The following SPOCK2 variants were observed in gnomAD, a reference collection of about 807,000 sequenced individuals.
SPOCK2 encodes testican-2.
SPOCK2 carries 39 observed loss-of-function variants against 60.1 expected under a neutral mutation model. The observed-to-expected ratio is 0.65, with a 90% CI of 0.50 to 0.85. SPOCK2 has a LOEUF of 0.85. SPOCK2 is among the 40% of genes least tolerant of loss of function. SPOCK2 has a pLI of 0.00. For synonymous variants in SPOCK2, 217 were observed against 231.5 expected (o/e 0.94, Z 0.57); for missense variants, 523 against 567.4 (o/e 0.92, Z 0.80).
chr10:72,070,547 C>A, intron 4 of SPOCK2, 121 bp from the exon 5 acceptor site: 1 of 849,920 alleles, frequency 1.2e-6, no homozygotes, highest in East Asian at 2.7e-5. Context: ...GCAGATCAGC[C>A]CCTTCCTGCC....
Position 72,087,366 on chromosome 10 carries a change from C to T in SPOCK2, c.189+774G>A, listed in dbSNP as rs1840874679. On this transcript the variant is annotated intron_variant, in intron 1 of 10. Coordinates refer to ENST00000373109, the MANE Select transcript of SPOCK2 (RefSeq NM_001244950.2). This position sits in a 1 kb window ranked among gnomAD's most constrained non-coding sequence, Gnocchi z 4.7. ...GCGGCGCCCGCCGGGGGCCCCCAAA[C>T]CCAGCTTCTGGACTCTCCCCGGCTT... Among the ~76,000 whole-genome samples the T allele has an allele frequency of 6.6e-6, 1 of 152,194 alleles. No homozygotes were observed. The highest frequency in any genetic ancestry group is 1.5e-5 in the Non-Finnish European group (1 of 68,018).
chr10:72,068,047 C>T (rs963018588), intron 6 of SPOCK2, 140 bp downstream of exon 6: 17 of 1,009,040 alleles, frequency 1.7e-5, no homozygotes, highest in Middle Eastern at 4.2e-4. Context: ...GGGCCTCTGA[C>T]CTCACAGCTC....
chr10:72,076,852 C>T (rs1352038620), intron 1 of SPOCK2, among the ~76,000 whole-genome samples: 1 of 152,226 alleles, frequency 6.6e-6, no homozygotes, highest in African/African-American at 2.4e-5. Flanking sequence ...CTCAGAGAGG[C>T]AGAGCAACTG....
chr10:72,067,489 C>T (rs16929601), intron 7 of SPOCK2, 124 bp downstream of exon 7: 49,853 of 1,497,692 alleles, frequency 0.033, 3,550 homozygotes, highest in East Asian at 0.24. Flanking sequence ...TCTTTTGGGG[C>T]CCAGATTGTA....
intron 1 of SPOCK2, among the ~76,000 whole-genome samples, chr10:72,082,686 T>A (rs1175737752): frequency 1.3e-5 from 2 of 151,406 alleles, no homozygotes; most frequent in Admixed American, 1.3e-4. Flanking sequence ...AAACCCCCTG[T>A]CTACAAAAAA....
chr10:72,081,983 G>A (rs2131822438), intron 1 of SPOCK2, among the ~76,000 whole-genome samples: 1 of 152,314 alleles, frequency 6.6e-6, no homozygotes, highest in Middle Eastern at 3.4e-3. Flanking sequence ...CCCATGCAAT[G>A]CTCTGGGGAT....
chr10:72,067,207 C>T, intron 7 of SPOCK2, 87 bp from the exon 8 acceptor site: 2 of 1,356,872 alleles, frequency 1.5e-6, no homozygotes, highest in Non-Finnish European at 2.0e-6. Flanking sequence ...CCATCAGCCC[C>T]AGCCCTCTAT....
rs1324746375 is a variant in SPOCK2, at chr10:72,075,307, G to A, written c.190-2397C>T. On this transcript the variant is annotated intron_variant, in intron 1 of 10. Transcript: ENST00000373109. Reference sequence around the variant, plus strand: ...CAGGGGTGGGGACAAGGCTGTGCAGGTGATGGGAAATGGCTGGGTTCTGGG... The same window carrying A: ...CAGGGGTGGGGACAAGGCTGTGCAGATGATGGGAAATGGCTGGGTTCTGGG... Among the ~76,000 whole-genome samples the A allele has an allele frequency of 3.9e-5, 6 of 152,156 alleles. No individual in the cohort carries two copies. The South Asian group carries it at 1.2e-3, about 32-fold the overall frequency.
intron 1 of SPOCK2, among the ~76,000 whole-genome samples, chr10:72,078,351 A>C (rs1191773945): frequency 6.6e-6 from 1 of 151,862 alleles, no homozygotes; most frequent in Non-Finnish European, 1.5e-5. Context: ...ATCTCTACTA[A>C]AAATACAAAA....
chr10:72,064,718 A>G (rs1247681942), intron 8 of SPOCK2, among the ~76,000 whole-genome samples: 1 of 151,960 alleles, frequency 6.6e-6, no homozygotes, highest in Non-Finnish European at 1.5e-5. Flanking sequence ...AGTTATGTTT[A>G]TTTTTTTATT....
rs1840508154 is a variant in SPOCK2 at position 72,062,729 on chromosome 10, GT to G, written c.*30del. The G allele has an allele frequency of 6.3e-7, 1 of 1,584,574 alleles. No individual in the cohort carries two copies. Among genetic ancestry groups the G allele is most frequent in the African/African-American group, 1.4e-5 (1 of 73,598 alleles). ...CTGCTGCTCAGAGCTCTGCTGTTGAGTCCCCCCCGGCAGCCGGCTCCTGAGG... is the reference window on the plus strand; with the variant it reads ...CTGCTGCTCAGAGCTCTGCTGTTGAGCCCCCCCGGCAGCCGGCTCCTGAGG... On this transcript the variant is annotated 3_prime_UTR_variant, in exon 11 of 11. Coordinates refer to ENST00000373109, the MANE Select transcript of SPOCK2 (RefSeq NM_001244950.2). The surrounding 1 kb of genome is among the most constrained non-coding windows in gnomAD (Gnocchi z 4.3).
Position 72,068,183 on chromosome 10 carries a change from T to G in SPOCK2, c.589+4A>C. 1 of 1,607,592 alleles carries G rather than the reference T, an allele frequency of 6.2e-7. No homozygotes were observed. ...CTAGCCTGGTGGCCCAGCACTGTCC[T>G]CACCTGGTTTGCCATCGGCGGTGGA... On this transcript the variant is annotated splice_donor_region_variant and intron_variant, in intron 6 of 10. Transcript: ENST00000373109.
chr10:72,082,422 A>C (rs1167085343), intron 1 of SPOCK2, among the ~76,000 whole-genome samples: 1 of 152,194 alleles, frequency 6.6e-6, no homozygotes, highest in Non-Finnish European at 1.5e-5. Context: ...TGTGGACTGC[A>C]TATCTGTGTC....
intron 4 of SPOCK2, among the ~76,000 whole-genome samples, chr10:72,071,626 C>T (rs1218477989): frequency 1.3e-5 from 2 of 152,166 alleles, no homozygotes; most frequent in African/African-American, 4.8e-5. Flanking sequence ...ATGGTCTAAC[C>T]TATTTGTCTT....
Position 72,062,747 on chromosome 10 carries a change from C to T in SPOCK2, c.*13G>A, listed in dbSNP as rs1840509433. 3.1e-6 allele frequency: 5 copies of T among 1,593,130 alleles called. No homozygotes were observed. Among genetic ancestry groups the T allele is most frequent in the Non-Finnish European group, 3.4e-6 (4 of 1,175,460 alleles). ...CTGTTGAGTCCCCCCCGGCAGCCGG[C>T]TCCTGAGGGCGTCTACCAGATGTAG... is the stretch of plus-strand genomic sequence containing the variant. On this transcript the variant is annotated 3_prime_UTR_variant, in exon 11 of 11. Transcript: ENST00000373109. This position sits in a 1 kb window ranked among gnomAD's most constrained non-coding sequence, Gnocchi z 4.3.
At position 72,062,703 on chromosome 10, in the gene SPOCK2, G is replaced by A. The variant is rs1420001135; in HGVS notation, c.*57C>T. 1.9e-6 allele frequency: 3 copies of A among 1,550,186 alleles called. No individual in the cohort carries two copies. The highest frequency in any genetic ancestry group is 2.8e-5 in the African/African-American group (2 of 72,158). On this transcript the variant is annotated 3_prime_UTR_variant, in exon 11 of 11. Transcript: ENST00000373109. This position sits in a 1 kb window ranked among gnomAD's most constrained non-coding sequence, Gnocchi z 4.3. ...TCTGGATCCGTTCTCGAAGTTGCCT[G>A]CTGCTGCTCAGAGCTCTGCTGTTGA... is the stretch of plus-strand genomic sequence containing the variant.
chr10:72,062,707 C>T lies in SPOCK2; in HGVS notation c.*53G>A, dbSNP rs200269954. 42 of 1,554,640 alleles carry T rather than the reference C, an allele frequency of 2.7e-5. 1 individual carries two copies. The highest frequency in any genetic ancestry group is 3.6e-5 in the Non-Finnish European group (42 of 1,159,760). On this transcript the variant is annotated 3_prime_UTR_variant, in exon 11 of 11. Coordinates refer to ENST00000373109, the MANE Select transcript of SPOCK2 (RefSeq NM_001244950.2). This position sits in a 1 kb window ranked among gnomAD's most constrained non-coding sequence, Gnocchi z 4.3. The stretch of plus-strand genomic sequence containing the variant: ...GATCCGTTCTCGAAGTTGCCTGCTG[C>T]TGCTCAGAGCTCTGCTGTTGAGTCC...
chr10:72,088,443 C>T lies in SPOCK2; in HGVS notation c.-115G>A. ...CTGTCCTCAGCTCTCCTCCCGCGGT[C>T]TGCCTCCGGTGACTGGCGGAGAGTG... On this transcript the variant is annotated 5_prime_UTR_variant, in exon 1 of 11. Transcript: ENST00000373109. 7.8e-7 allele frequency: 1 copy of T among 1,276,180 alleles called. No individual in the cohort carries two copies. The highest frequency in any genetic ancestry group is 2.9e-5 in the Admixed American group (1 of 34,140). 79.1% of individuals were successfully genotyped at this position (1,276,180 alleles called of 1,614,324 possible). A position where few individuals can be genotyped will look rare whatever the true frequency, so the allele number is the denominator to read the frequency against.
chr10:72,061,376 G>A lies in SPOCK2; in HGVS notation c.*1384C>T, dbSNP rs980565383. On this transcript the variant is annotated 3_prime_UTR_variant, in exon 11 of 11. Transcript: ENST00000373109. ...ACAGAGCTTGGGGAAGCCCCTCTGC[G>A]GGGCAGCCCTAGGGAATCCTCAGAG... 52 of 152,344 alleles carry A rather than the reference G, an allele frequency of 3.4e-4. No homozygotes were observed. Among genetic ancestry groups the A allele is most frequent in the East Asian group, 9.6e-4 (5 of 5,188 alleles). The allele number at this position is 152,344 out of a possible 1,614,324, so 9.4% of individuals were successfully genotyped here. A position where few individuals can be genotyped will look rare whatever the true frequency, so the allele number is the denominator to read the frequency against.
Sources: gnomAD v4.1 joint callset for allele counts (sites outside exome capture counted in the v4.1 genomes callset) on GRCh38, gnomAD v4.1.1 for gene constraint, Gnocchi (gnomAD v3.1) non-coding constraint, MANE v1.5 for transcripts, NCBI Gene and HGNC (gene_info 2026-07-23, HGNC 2026-07-21) for gene names.